ZC3H14: variants seen among roughly 807,000 people sequenced by gnomAD.
The protein encoded by ZC3H14 is zinc finger CCCH domain-containing protein 14.
Under a neutral mutation model 92.4 loss-of-function variants are expected in ZC3H14, and 31 were observed. That is an observed-to-expected ratio of 0.34 (90% CI 0.25 to 0.45). ZC3H14 has a LOEUF of 0.45. ZC3H14 is among the 20% of genes least tolerant of loss of function. The pLI is 1.00. For missense variants in ZC3H14, 781 were observed against 897.3 expected, an observed-to-expected ratio of 0.87 and a Z score of 1.66; for synonymous variants, 321 against 300.9, an observed-to-expected ratio of 1.07 and a Z score of -0.69.
In ZC3H14 at chr14:88,572,607, G is replaced by A. The variant is rs1313869163; in HGVS notation, c.461G>A (p.Arg154Gln). The change falls in exon 6 of 17, where the codon CGA becomes CAA. Residue 154 changes from arginine (R) to glutamine (Q), a missense_variant. Transcript: ENST00000251038. ...RQTYDDGAATRLMSTVKPLRE... is the reference protein window; with the variant it reads ...RQTYDDGAATQLMSTVKPLRE... ...ACTTACGATGATGGAGCTGCAACCC[G>A]ACTAATGTCAACAGTGAAACCTTTG... 1.2e-5 allele frequency: 20 copies of A among 1,613,944 alleles called. No individual in the cohort carries two copies. The highest frequency in any genetic ancestry group is 1.7e-5 in the Non-Finnish European group (20 of 1,180,036).
intron 15 of ZC3H14, 103 bp from the exon 16 acceptor site, chr14:88,610,726 TCACTC>T: frequency 9.1e-7 from 1 of 1,104,738 alleles, no homozygotes; most frequent in South Asian, 1.3e-5. Flanking sequence ...TCATGCCACT[TCACTC>T]CAGCCTGGGT....
chr14:88,594,780 G>A (rs775721187), intron 9 of ZC3H14: 39 of 1,613,818 alleles, frequency 2.4e-5, no homozygotes, highest in Middle Eastern at 1.6e-4. Flanking sequence ...TTCTTCCACC[G>A]GAGCCAGTGG....
chr14:88,569,791 G>A (rs77275266), intron 3 of ZC3H14, among the ~76,000 whole-genome samples: 2,183 of 152,234 alleles, frequency 0.014, 22 homozygotes, highest in East Asian at 0.025. Flanking sequence ...CTTATCAACC[G>A]TCTTGAAATT....
chr14:88,601,782 GTT>G, intron 10 of ZC3H14, 140 bp from the exon 11 acceptor site: 1 of 1,005,790 alleles, frequency 9.9e-7, no homozygotes, highest in Non-Finnish European at 1.5e-6. Context: ...TTATAGCCCT[GTT>G]TTCCTGAGTG....
Position 88,587,788 on chromosome 14 carries a change from A to T in ZC3H14, c.1280-8946A>T, listed in dbSNP as rs142890177. On this transcript the variant is annotated intron_variant, in intron 9 of 16. Transcript: ENST00000251038. Reference sequence around the variant, plus strand: ...TAGCGAGACCCTCATCTATATATATATTTTAATGTTTTTTAATTAGCTGGG... The same window carrying T: ...TAGCGAGACCCTCATCTATATATATTTTTTAATGTTTTTTAATTAGCTGGG... Among the ~76,000 whole-genome samples the T allele has an allele frequency of 4.4e-4, 67 of 152,014 alleles. No individual in the cohort carries two copies. In the East Asian group the frequency reaches 0.011, roughly 26 times the overall value.
At chr14:88,576,500 A>G (rs1324759768) in intron 8 of ZC3H14, among the ~76,000 whole-genome samples, 1 of 152,266 alleles carries the variant, frequency 6.6e-6, no homozygotes, top group African/African-American at 2.4e-5. Context: ...CGTTTTCAAA[A>G]CAGGAGATGA....
In ZC3H14 at chr14:88,599,175, T is replaced by C. The variant is rs545845911; in HGVS notation, c.1354+2367T>C. On this transcript the variant is annotated intron_variant, in intron 10 of 16. Coordinates refer to ENST00000251038, the MANE Select transcript of ZC3H14 (RefSeq NM_024824.5). Reference sequence around the variant, plus strand: ...TAATACACCTCTTTTTTGCCTGCCATTTCTTCCATTTCTTCCTAAGGTCCT... The same window carrying C: ...TAATACACCTCTTTTTTGCCTGCCACTTCTTCCATTTCTTCCTAAGGTCCT... 2.6e-5 allele frequency among the ~76,000 whole-genome samples: 4 copies of C among 152,270 alleles called. No individual in the cohort carries two copies. In the East Asian group the frequency reaches 7.7e-4, roughly 29 times the overall value.
chr14:88,577,924 C>T, intron 8 of ZC3H14, 61 bp from the exon 9 acceptor site: 2 of 1,595,016 alleles, frequency 1.3e-6, no homozygotes, highest in South Asian at 1.1e-5. Context: ...GACATAGTCA[C>T]TGTGGAGTTT....
intron 9 of ZC3H14, among the ~76,000 whole-genome samples, chr14:88,596,238 G>A (rs1047313392): frequency 6.6e-6 from 1 of 152,128 alleles, no homozygotes; most frequent in African/African-American, 2.4e-5. Flanking sequence ...TGCATGCATC[G>A]AAGCCCAGAG....
chr14:88,611,105 T>C (rs1023614485), intron 16 of ZC3H14, among the ~76,000 whole-genome samples, 165 bp downstream of exon 16: 2 of 152,208 alleles, frequency 1.3e-5, no homozygotes, highest in Admixed American at 6.5e-5. Context: ...ATTTACTACA[T>C]GGGCTAAATT....
chr14:88,596,653 C>T (rs1161657453), intron 9 of ZC3H14, 81 bp from the exon 10 acceptor site: 2 of 1,213,764 alleles, frequency 1.6e-6, no homozygotes, highest in Non-Finnish European at 2.4e-6. Context: ...GTTAAGAACC[C>T]AGAAGGATTG....
At chr14:88,570,009 A>G (rs749614034) in intron 3 of ZC3H14, among the ~76,000 whole-genome samples, 1 of 151,228 alleles carries the variant, frequency 6.6e-6, no homozygotes, top group Non-Finnish European at 1.5e-5. Flanking sequence ...TGTGAGTACT[A>G]TTTTTTTTTC....
intron 3 of ZC3H14, among the ~76,000 whole-genome samples, chr14:88,569,115 C>T (rs1161070649): frequency 6.6e-6 from 1 of 152,134 alleles, no homozygotes; most frequent in Non-Finnish European, 1.5e-5. Flanking sequence ...AGTCCTCCTG[C>T]CTTGGCCTTC....
chr14:88,616,182 C>T lies in ZC3H14; in HGVS notation c.*4431C>T, dbSNP rs1353926630. On this transcript the variant is annotated 3_prime_UTR_variant, in exon 17 of 17. Coordinates refer to ENST00000251038, the MANE Select transcript of ZC3H14 (RefSeq NM_024824.5). Reference sequence around the variant, plus strand: ...CCAGCACTAACAACATGTCGATCACCACTGGTAAATCGAATATTTGTCACA... The same window carrying T: ...CCAGCACTAACAACATGTCGATCACTACTGGTAAATCGAATATTTGTCACA... 3 of 1,613,912 alleles carry T rather than the reference C, an allele frequency of 1.9e-6. No homozygotes were observed. The highest frequency in any genetic ancestry group is 2.2e-5 in the South Asian group (2 of 91,072).
rs1287867554 is a variant in ZC3H14, at chr14:88,620,585, AAG to A, written c.*8836_*8837del. 1.9e-6 allele frequency: 1 copy of A among 518,416 alleles called. No individual in the cohort carries two copies. Among genetic ancestry groups the A allele is most frequent in the East Asian group, 3.3e-5 (1 of 30,070 alleles). The allele number at this position is 518,416 out of a possible 1,614,324, so 32.1% of individuals were successfully genotyped here. A position where few individuals can be genotyped will look rare whatever the true frequency, so the allele number is the denominator to read the frequency against. ...GTGCCCAGTGGGTTTATAATTTAGC[AAG>A]AAGAATTAAGTAGTATACAAACAGC... On this transcript the variant is annotated 3_prime_UTR_variant, in exon 17 of 17. Transcript: ENST00000251038. This position sits in a 1 kb window ranked among gnomAD's most constrained non-coding sequence, Gnocchi z 4.3.
intron 10 of ZC3H14, among the ~76,000 whole-genome samples, chr14:88,600,528 A>G (rs2084472206): frequency 6.7e-6 from 1 of 149,000 alleles, no homozygotes; most frequent in Non-Finnish European, 1.5e-5. Context: ...TGCAGCCTTG[A>G]CCTCCTGGGC....
chr14:88,600,403 C>T (rs2084444258), intron 10 of ZC3H14, among the ~76,000 whole-genome samples: 1 of 151,972 alleles, frequency 6.6e-6, no homozygotes. Flanking sequence ...TTGATCAGGC[C>T]ACTTCCTTCC....
intron 1 of ZC3H14, 192 bp from the exon 2 acceptor site, chr14:88,563,459 G>A: frequency 2.8e-6 from 4 of 1,444,634 alleles, no homozygotes; most frequent in East Asian, 2.6e-5. Context: ...GCGGGAGGTG[G>A]GCGCCGCGGG....
intron 12 of ZC3H14, among the ~76,000 whole-genome samples, chr14:88,605,162 G>A (rs1044600151): frequency 6.6e-6 from 1 of 151,934 alleles, no homozygotes; most frequent in African/African-American, 2.4e-5. Flanking sequence ...TTTGTACTGG[G>A]TTCTTGTGTA....
Sources: gnomAD v4.1 joint callset for allele counts (sites outside exome capture counted in the v4.1 genomes callset) on GRCh38, gnomAD v4.1.1 for gene constraint, Gnocchi (gnomAD v3.1) non-coding constraint, MANE v1.5 for transcripts, NCBI Gene and HGNC (gene_info 2026-07-23, HGNC 2026-07-21) for gene names.